The following MEGF10 variants were observed in gnomAD, a reference collection of about 807,000 sequenced individuals.
MEGF10 encodes the protein multiple epidermal growth factor-like domains protein 10.
In MEGF10, 86 loss-of-function variants were observed where a neutral mutation model predicts 147.5. That is an observed-to-expected ratio of 0.58 (90% CI 0.49 to 0.70). The LOEUF is 0.70. Ranked by LOEUF, MEGF10 falls within the 30% of genes least tolerant of loss-of-function variation. MEGF10 has a pLI of 0.00. For missense variants in MEGF10, 1,329 were observed against 1,487.3 expected (o/e 0.89, Z 1.75); for synonymous variants, 478 against 525.5 (o/e 0.91, Z 1.24).
intron 19 of MEGF10, chr5:127,444,389 C>T (rs1765863525): frequency 6.6e-6 from 1 of 152,200 alleles, no homozygotes; most frequent in Non-Finnish European, 1.5e-5. Flanking sequence ...ATTACAAATA[C>T]TCTGTAATCT....
chr5:127,424,558 T>C (rs2126983479), intron 13 of MEGF10: 1 of 1,396,968 alleles, frequency 7.2e-7, no homozygotes, highest in East Asian at 2.7e-5. Flanking sequence ...TGGAAAATGT[T>C]GAGAGCTTCT....
At chr5:127,320,859 T>C (rs1208515646) in intron 1 of MEGF10, among the ~76,000 whole-genome samples, 2 of 152,216 alleles carry the variant, frequency 1.3e-5, no homozygotes, top group Non-Finnish European at 2.9e-5. Context: ...GGTTCAGAAC[T>C]GAGTCCACTG....
rs757261735 is a variant in MEGF10 at position 127,454,550 on chromosome 5, TC to T, written c.2981-15del. 1.1e-5 allele frequency: 17 copies of T among 1,603,134 alleles called. No homozygotes were observed. The East Asian group carries it at 2.9e-4, about 27-fold the overall frequency. On this transcript the variant is annotated splice_polypyrimidine_tract_variant and intron_variant, in intron 22 of 24. Transcript: ENST00000503335. ...TTCAGTTCTCACTGGGTGTTTTTTTTCTTCCTTTATTACAGGTGCTTTTGGA... is the reference window on the plus strand; with the variant it reads ...TTCAGTTCTCACTGGGTGTTTTTTTTTTCCTTTATTACAGGTGCTTTTGGA...
chr5:127,370,361 G>A (rs1246000117), intron 5 of MEGF10, among the ~76,000 whole-genome samples: 1 of 152,060 alleles, frequency 6.6e-6, no homozygotes, highest in Non-Finnish European at 1.5e-5. Context: ...GTTTTTACCT[G>A]TTGATTTCTC....
chr5:127,350,708 A>G (rs1762053705), intron 4 of MEGF10, among the ~76,000 whole-genome samples: 1 of 152,180 alleles, frequency 6.6e-6, no homozygotes, highest in South Asian at 2.1e-4. Context: ...TACACTGTTT[A>G]TCAGAAGTAA....
intron 5 of MEGF10, among the ~76,000 whole-genome samples, chr5:127,391,096 GCGCGCGCACACACACACA>G (rs1289889256): frequency 3.4e-5 from 1 of 29,366 alleles, no homozygotes; most frequent in South Asian, 1.1e-3. Flanking sequence ...ATGCGCGCGC[GCGCGCGCACACACACACA>G]CACACACACA....
At chr5:127,416,182 C>T (rs1561632972) in intron 9 of MEGF10, among the ~76,000 whole-genome samples, 1 of 151,978 alleles carries the variant, frequency 6.6e-6, no homozygotes, top group Non-Finnish European at 1.5e-5. Context: ...TGCCCACCAC[C>T]ACGCCCCGCT....
At chr5:127,431,056 T>C (rs1414012596) in intron 13 of MEGF10, among the ~76,000 whole-genome samples, 1 of 152,178 alleles carries the variant, frequency 6.6e-6, no homozygotes, top group Non-Finnish European at 1.5e-5. Flanking sequence ...TCTCTGGAAA[T>C]GAAATGATGG....
At chr5:127,355,427 T>C (rs1173621223) in intron 4 of MEGF10, among the ~76,000 whole-genome samples, 6 of 152,202 alleles carry the variant, frequency 3.9e-5, no homozygotes, top group Admixed American at 3.3e-4. Context: ...AACAATCAGA[T>C]GGTATGTTCC....
In MEGF10 at chr5:127,411,569, T is replaced by TGCGC. The variant is rs542109795; in HGVS notation, c.1130+971_1130+974dup. 2.5e-3 allele frequency among the ~76,000 whole-genome samples: 387 copies of TGCGC among 151,876 alleles called. 8 individuals carry two copies. In the East Asian group the frequency reaches 0.046, roughly 18 times the overall value. ...TGCACTCTGTGTGTGTGTGTGTGTG[T>TGCGC]GCGCGCATATGTGTGCTGTAATACA... On this transcript the variant is annotated intron_variant, in intron 9 of 24. Transcript: ENST00000503335.
chr5:127,417,541 C>T (rs1255252502), intron 9 of MEGF10, 97 bp from the exon 10 acceptor site: 4 of 1,184,638 alleles, frequency 3.4e-6, no homozygotes, highest in Non-Finnish European at 5.0e-6. Context: ...TGGAATTACC[C>T]ACACATTTAG....
intron 4 of MEGF10, among the ~76,000 whole-genome samples, chr5:127,346,134 A>G (rs1761877532): frequency 6.6e-6 from 1 of 152,042 alleles, no homozygotes; most frequent in African/African-American, 2.4e-5. Context: ...CTTGTTCCTT[A>G]ATTTTGCAAT....
At chr5:127,365,243 C>A (rs1457783715) in intron 4 of MEGF10, among the ~76,000 whole-genome samples, 4 of 152,110 alleles carry the variant, frequency 2.6e-5, no homozygotes, top group Non-Finnish European at 5.9e-5. Flanking sequence ...TAAATATATT[C>A]TTTAAGACAA....
At chr5:127,407,376 A>T (rs1185244966) in intron 8 of MEGF10, among the ~76,000 whole-genome samples, 4 of 152,190 alleles carry the variant, frequency 2.6e-5, no homozygotes, top group Non-Finnish European at 5.9e-5. Flanking sequence ...TTACACGTTA[A>T]CTCACTTACT....
At position 127,331,477 on chromosome 5, in the gene MEGF10, T is replaced by G. The variant is rs1050073308; in HGVS notation, c.116+53T>G. The G allele has an allele frequency of 1.8e-5, 17 of 956,882 alleles. No homozygotes were observed. The Admixed American group carries it at 3.0e-4, about 17-fold the overall frequency. 59.3% of individuals were successfully genotyped at this position (956,882 alleles called of 1,614,324 possible). Reference sequence around the variant, plus strand: ...AGAATTGCTGAGAAGTTCCCTTATATACTGTAATTATCAGTCAGATGTATA... The same window carrying G: ...AGAATTGCTGAGAAGTTCCCTTATAGACTGTAATTATCAGTCAGATGTATA... On this transcript the variant is annotated intron_variant, in intron 2 of 24. Transcript: ENST00000503335.
At chr5:127,433,269 T>A in intron 13 of MEGF10, 94 bp from the exon 14 acceptor site, 2 of 1,497,088 alleles carry the variant, frequency 1.3e-6, no homozygotes, top group Non-Finnish European at 1.8e-6. Flanking sequence ...TCCTCAGGTT[T>A]AACACTGTGA....
rs186006434 is a variant in MEGF10, at chr5:127,411,679, C to T, written c.1130+1078C>T. On this transcript the variant is annotated intron_variant, in intron 9 of 24. Coordinates refer to ENST00000503335, the MANE Select transcript of MEGF10 (RefSeq NM_001256545.2). ...CATATTAGTCAACTTTGGTTTTCTT[C>T]GTTGGAAAATATTGCCTTTCTTTAC... Among the ~76,000 whole-genome samples the T allele has an allele frequency of 8.5e-5, 13 of 152,204 alleles. No homozygotes were observed. The East Asian group carries it at 9.6e-4, about 11-fold the overall frequency.
chr5:127,295,643 CAT>C (rs1003162700), intron 1 of MEGF10, among the ~76,000 whole-genome samples: 4 of 152,116 alleles, frequency 2.6e-5, no homozygotes, highest in Non-Finnish European at 5.9e-5. Flanking sequence ...AAATAAACAA[CAT>C]AAAAAGTTCA....
intron 9 of MEGF10, among the ~76,000 whole-genome samples, chr5:127,416,218 C>T (rs536956933): frequency 2.6e-5 from 4 of 151,880 alleles, no homozygotes; most frequent in African/African-American, 7.2e-5. Flanking sequence ...TTAGTAGAGA[C>T]GAGGTTTCAC....
Sources: allele counts gnomAD v4.1 joint callset (sites outside exome capture counted in the v4.1 genomes callset), GRCh38; gene constraint gnomAD v4.1.1; transcripts MANE v1.5; gene names NCBI Gene and HGNC (gene_info 2026-07-23, HGNC 2026-07-21).